The following ARHGEF10L variants were observed in gnomAD, a reference collection of about 807,000 sequenced individuals.
ARHGEF10L encodes Rho guanine nucleotide exchange factor 10 like, also known as rho guanine nucleotide exchange factor 10-like protein.
A neutral mutation model predicts 141.2 loss-of-function variants in ARHGEF10L; 69 were observed. The ratio of observed to expected loss-of-function variants is 0.49; its 90% CI spans 0.40 to 0.60. The LOEUF (loss-of-function observed/expected upper bound fraction) is 0.60. Ranked by LOEUF, ARHGEF10L falls within the 20% of genes least tolerant of loss-of-function variation. ARHGEF10L has a pLI of 0.00. For missense variants in ARHGEF10L, 1,482 were observed against 1,734.3 expected (o/e 0.85, Z 2.58); for synonymous variants, 711 against 718.5 (o/e 0.99, Z 0.17).
At position 17,569,918 on chromosome 1, in the gene ARHGEF10L, CT is replaced by C. The variant is rs2077923498; in HGVS notation, c.-43-10633del. On this transcript the variant is annotated intron_variant, in intron 1 of 28. Coordinates refer to ENST00000361221, the MANE Select transcript of ARHGEF10L (RefSeq NM_018125.4). ...CCTCTGGCCCTGTCCCACTCCTCCC[CT>C]TCTGACCATTTCCTGGCATCAGCCC... 4.6e-5 allele frequency among the ~76,000 whole-genome samples: 7 copies of C among 152,380 alleles called. 1 individual carries two copies. The South Asian group carries it at 1.5e-3, about 32-fold the overall frequency.
intron 6 of ARHGEF10L, among the ~76,000 whole-genome samples, chr1:17,605,856 C>T (rs566850131): frequency 1.3e-3 from 193 of 152,332 alleles, no homozygotes; most frequent in Non-Finnish European, 2.4e-3. Context: ...GGACAATCAG[C>T]CTGGCCTTCT....
At chr1:17,547,162 A>G (rs1017138913) in intron 1 of ARHGEF10L, among the ~76,000 whole-genome samples, 1 of 152,232 alleles carries the variant, frequency 6.6e-6, no homozygotes, top group Non-Finnish European at 1.5e-5. Flanking sequence ...CCACAGGCCC[A>G]GGGTCTGCCC....
In ARHGEF10L at chr1:17,558,659, TCC is replaced by T. The variant is rs1381462020; in HGVS notation, c.-44+18710_-44+18711del. The stretch of plus-strand genomic sequence containing the variant: ...GTGGCTGGGGCAGGTGGGGACCTTT[TCC>T]TCTTTTGACACTCAGGTTCTCTTTG... On this transcript the variant is annotated intron_variant, in intron 1 of 28. Transcript: ENST00000361221. This position sits in a 1 kb window ranked among gnomAD's most constrained non-coding sequence, Gnocchi z 4.2. Among the ~76,000 whole-genome samples the T allele has an allele frequency of 1.3e-5, 2 of 152,228 alleles. No homozygotes were observed. Among genetic ancestry groups the T allele is most frequent in the African/African-American group, 4.8e-5 (2 of 41,454 alleles).
chr1:17,622,296 G>T (rs2060147649), intron 11 of ARHGEF10L, among the ~76,000 whole-genome samples: 1 of 152,164 alleles, frequency 6.6e-6, no homozygotes, highest in Non-Finnish European at 1.5e-5. Context: ...TCCTTAGTTG[G>T]GAAGATGTGT....
In ARHGEF10L at chr1:17,644,588, G is replaced by T. The variant is rs1000068887; in HGVS notation, c.2273-3966G>T. ...TGAGGTCCAGCCCAGCCTGACATCT[G>T]TGGCTGTGGCCAGCAGCATCTCCAT... is the stretch of plus-strand genomic sequence containing the variant. On this transcript the variant is annotated intron_variant, in intron 21 of 28. Transcript: ENST00000361221. This position sits in a 1 kb window ranked among gnomAD's most constrained non-coding sequence, Gnocchi z 4.5. 1.3e-5 allele frequency among the ~76,000 whole-genome samples: 2 copies of T among 152,254 alleles called. No individual in the cohort carries two copies. Among genetic ancestry groups the T allele is most frequent in the Non-Finnish European group, 2.9e-5 (2 of 68,038 alleles).
chr1:17,677,457 G>A (rs2102370875), intron 26 of ARHGEF10L, among the ~76,000 whole-genome samples: 1 of 152,336 alleles, frequency 6.6e-6, no homozygotes, highest in South Asian at 2.1e-4. Flanking sequence ...CCTTCGATCG[G>A]TGCCGCCCCG....
At chr1:17,580,212 T>TG (rs2078427315) in intron 1 of ARHGEF10L, among the ~76,000 whole-genome samples, 1 of 152,074 alleles carries the variant, frequency 6.6e-6, no homozygotes, top group Admixed American at 6.5e-5. Flanking sequence ...CCTGGAAGGT[T>TG]GGGGGCTGAG....
At chr1:17,581,673 T>C (rs908829698) in intron 2 of ARHGEF10L, among the ~76,000 whole-genome samples, 4 of 152,186 alleles carry the variant, frequency 2.6e-5, no homozygotes, top group Non-Finnish European at 5.9e-5. Context: ...AGTTTCATCA[T>C]CAGTAAACAT....
intron 1 of ARHGEF10L, among the ~76,000 whole-genome samples, chr1:17,578,895 T>C (rs12729316): frequency 0.015 from 2,209 of 152,260 alleles, 22 homozygotes; most frequent in Middle Eastern, 0.041. Context: ...ACAAGGCATA[T>C]CTGCAGATAT....
intron 27 of ARHGEF10L, among the ~76,000 whole-genome samples, chr1:17,689,459 C>T: frequency 1.6e-5 from 2 of 126,244 alleles, no homozygotes; most frequent in African/African-American, 3.1e-5. Flanking sequence ...TTCCCCCTCT[C>T]TCCCTCCCTC....
At chr1:17,626,195 C>A in intron 14 of ARHGEF10L, 147 bp downstream of exon 14, 2 of 636,194 alleles carry the variant, frequency 3.1e-6, no homozygotes, top group Non-Finnish European at 5.4e-6. Flanking sequence ...CCTCATCTTT[C>A]TCCACTTCTA....
intron 26 of ARHGEF10L, among the ~76,000 whole-genome samples, chr1:17,672,572 T>G (rs1338784364): frequency 6.6e-6 from 1 of 152,160 alleles, no homozygotes; most frequent in Non-Finnish European, 1.5e-5. Context: ...TGTCTTAATT[T>G]TTTTTGTTAA....
chr1:17,592,213 C>T (rs2079606086), intron 4 of ARHGEF10L, among the ~76,000 whole-genome samples: 1 of 152,216 alleles, frequency 6.6e-6, no homozygotes, highest in African/African-American at 2.4e-5. Context: ...CCCCTCACCT[C>T]TGAGTGCAAT....
At chr1:17,524,435 G>A in the ARHGEF10L span, among the ~76,000 whole-genome samples, 7 of 144,444 alleles carry the variant, frequency 4.8e-5, no homozygotes, top group African/African-American at 1.8e-4. Context: ...TTAGCCTGGT[G>A]TGGTGGCTCG....
chr1:17,609,682 G>A (rs993340331), intron 7 of ARHGEF10L, among the ~76,000 whole-genome samples: 2 of 152,194 alleles, frequency 1.3e-5, no homozygotes, highest in Admixed American at 6.5e-5. Context: ...CTGGCTGTGT[G>A]CCTGACAGGG....
At position 17,673,065 on chromosome 1, in the gene ARHGEF10L, G is replaced by A. The variant is rs1019708230; in HGVS notation, c.3009+8470G>A. Among the ~76,000 whole-genome samples the A allele has an allele frequency of 7.2e-5, 11 of 152,164 alleles. No homozygotes were observed. Among genetic ancestry groups the A allele is most frequent in the East Asian group, 3.9e-4 (2 of 5,182 alleles). On this transcript the variant is annotated intron_variant, in intron 26 of 28. Coordinates refer to ENST00000361221, the MANE Select transcript of ARHGEF10L (RefSeq NM_018125.4). This position sits in a 1 kb window ranked among gnomAD's most constrained non-coding sequence, Gnocchi z 4.1. ...TCATGATTTTAAAAAGAAGTTGGTC[G>A]CTGATGGCTCAGGGAACAGGCTTGG... is the stretch of plus-strand genomic sequence containing the variant.
At chr1:17,671,912 C>G (rs1178778605) in intron 26 of ARHGEF10L, among the ~76,000 whole-genome samples, 2 of 152,186 alleles carry the variant, frequency 1.3e-5, no homozygotes, top group Non-Finnish European at 2.9e-5. Flanking sequence ...AGGCCAGAAG[C>G]CCCTCAGGGA....
chr1:17,692,245 G>GGGCTTTTTTTTTCA (rs2065158488), intron 27 of ARHGEF10L, among the ~76,000 whole-genome samples: 1 of 152,172 alleles, frequency 6.6e-6, no homozygotes, highest in South Asian at 2.1e-4. Context: ...AGTCACTAGT[G>GGGCTTTTTTTTTCA]GGCTTTTTTT....
intron 8 of ARHGEF10L, among the ~76,000 whole-genome samples, chr1:17,613,957 A>G (rs2059672378): frequency 6.6e-6 from 1 of 152,212 alleles, no homozygotes; most frequent in African/African-American, 2.4e-5. Flanking sequence ...TCTTGGGTGT[A>G]CGGTGCTGTG....
Sources: allele counts gnomAD v4.1 joint callset (sites outside exome capture counted in the v4.1 genomes callset), GRCh38; gene constraint gnomAD v4.1.1; non-coding constraint Gnocchi (gnomAD v3.1); transcripts MANE v1.5; gene names NCBI Gene and HGNC (gene_info 2026-07-23, HGNC 2026-07-21).